KCNT2: variants seen among roughly 807,000 people sequenced by gnomAD.
KCNT2 encodes potassium channel subfamily T member 2.
A neutral mutation model predicts 153.8 loss-of-function variants in KCNT2; 67 were observed. The ratio of observed to expected loss-of-function variants is 0.44; its 90% CI spans 0.36 to 0.53. The LOEUF is 0.53. Among genes scored for constraint, KCNT2 ranks in the 20% least tolerant of loss-of-function variants. The pLI is 0.00. For missense variants in KCNT2, 975 were observed against 1,354.8 expected, an observed-to-expected ratio of 0.72 and a Z score of 4.40; for synonymous variants, 500 against 458.8, an observed-to-expected ratio of 1.09 and a Z score of -1.15.
chr1:196,248,559 A>C (rs1376729602), intron 26 of KCNT2, among the ~76,000 whole-genome samples: 1 of 152,090 alleles, frequency 6.6e-6, no homozygotes, highest in Non-Finnish European at 1.5e-5. Context: ...GAAATTGATA[A>C]ACTCCTAGAC....
intron 19 of KCNT2, among the ~76,000 whole-genome samples, chr1:196,320,409 A>C (rs1042534975): frequency 1.3e-5 from 2 of 151,884 alleles, no homozygotes; most frequent in African/African-American, 4.8e-5. Context: ...ATTATGTACA[A>C]AATCATACAA....
intron 25 of KCNT2, among the ~76,000 whole-genome samples, chr1:196,267,158 G>A (rs144265838): frequency 1.4e-4 from 22 of 152,266 alleles, no homozygotes; most frequent in Non-Finnish European, 2.8e-4. Flanking sequence ...AAGTTTCTGT[G>A]GGAAAATAGG....
intron 26 of KCNT2, among the ~76,000 whole-genome samples, chr1:196,237,361 G>C (rs941238612): frequency 3.3e-5 from 5 of 151,558 alleles, no homozygotes; most frequent in African/African-American, 4.8e-5. Context: ...TTTCAAGGCA[G>C]AAAAATCACA....
chr1:196,338,974 A>AG (rs1665319419), intron 16 of KCNT2, among the ~76,000 whole-genome samples: 1 of 148,558 alleles, frequency 6.7e-6, no homozygotes, highest in Non-Finnish European at 1.5e-5. Flanking sequence ...AAAAAAAAAA[A>AG]GGAGAAGGAG....
At chr1:196,348,508 T>C (rs560521623) in intron 14 of KCNT2, among the ~76,000 whole-genome samples, 16 of 152,296 alleles carry the variant, frequency 1.1e-4, no homozygotes, top group South Asian at 1.0e-3. Flanking sequence ...ATCTACTTCA[T>C]ACTCTTGTGA....
At chr1:196,448,154 C>T (rs1675855976) in intron 8 of KCNT2, among the ~76,000 whole-genome samples, 1 of 151,476 alleles carries the variant, frequency 6.6e-6, no homozygotes, top group Non-Finnish European at 1.5e-5. Flanking sequence ...GTCAGAGAAA[C>T]CCAGACTCAT....
At chr1:196,540,346 C>G (rs1656185658) in intron 1 of KCNT2, among the ~76,000 whole-genome samples, 1 of 152,108 alleles carries the variant, frequency 6.6e-6, no homozygotes, top group Admixed American at 6.6e-5. Context: ...ATAAACATAA[C>G]TTCAAATCAG....
intron 8 of KCNT2, among the ~76,000 whole-genome samples, chr1:196,462,291 T>C (rs934021827): frequency 6.6e-6 from 1 of 151,610 alleles, no homozygotes; most frequent in African/African-American, 2.4e-5. Context: ...ACTGGAGCCA[T>C]GGGCATGTCG....
At chr1:196,377,731 A>C (rs1669094823) in intron 13 of KCNT2, among the ~76,000 whole-genome samples, 1 of 152,086 alleles carries the variant, frequency 6.6e-6, no homozygotes, top group Non-Finnish European at 1.5e-5. Context: ...AAAAAGTATA[A>C]AAATGAACAC....
chr1:196,554,874 G>A (rs1658440693), intron 1 of KCNT2, among the ~76,000 whole-genome samples: 1 of 151,046 alleles, frequency 6.6e-6, no homozygotes. Flanking sequence ...TCAACAGAAG[G>A]AAGAATAAAA....
chr1:196,585,074 T>C (rs1224231506), intron 1 of KCNT2, among the ~76,000 whole-genome samples: 2 of 152,034 alleles, frequency 1.3e-5, no homozygotes, highest in Non-Finnish European at 2.9e-5. Context: ...TTTTCAAGTA[T>C]GAGTACAATA....
chr1:196,424,729 T>A (rs997584039), intron 11 of KCNT2, among the ~76,000 whole-genome samples: 4 of 151,998 alleles, frequency 2.6e-5, no homozygotes, highest in Non-Finnish European at 4.4e-5. Flanking sequence ...GACTTTATTA[T>A]ATATAAATCA....
chr1:196,484,972 A>T (rs1417784045), intron 3 of KCNT2, among the ~76,000 whole-genome samples: 1 of 152,084 alleles, frequency 6.6e-6, no homozygotes, highest in Non-Finnish European at 1.5e-5. Context: ...AGTATAAATC[A>T]TTCTACTCTA....
intron 8 of KCNT2, among the ~76,000 whole-genome samples, chr1:196,438,139 G>A (rs968986891): frequency 1.3e-4 from 20 of 151,576 alleles, no homozygotes; most frequent in African/African-American, 4.8e-4. Flanking sequence ...GATAGAATAA[G>A]GTTCAGTGAA....
chr1:196,385,661 G>A (rs2148389476), intron 13 of KCNT2, among the ~76,000 whole-genome samples: 1 of 151,540 alleles, frequency 6.6e-6, no homozygotes, highest in Non-Finnish European at 1.5e-5. Context: ...TTTTAATGAA[G>A]AATTAAAGGC....
chr1:196,445,092 C>G (rs139086559), intron 8 of KCNT2, among the ~76,000 whole-genome samples: 104 of 151,168 alleles, frequency 6.9e-4, no homozygotes, highest in Middle Eastern at 6.8e-3. Flanking sequence ...AAGTGTATAT[C>G]CAAGAAATAA....
At chr1:196,424,920 C>T (rs1477599851) in intron 11 of KCNT2, among the ~76,000 whole-genome samples, 1 of 150,578 alleles carries the variant, frequency 6.6e-6, no homozygotes, top group Non-Finnish European at 1.5e-5. Flanking sequence ...TGAAGACAGG[C>T]ACAAATACAC....
chr1:196,532,261 T>C (rs947931183), intron 1 of KCNT2, among the ~76,000 whole-genome samples: 2 of 152,092 alleles, frequency 1.3e-5, no homozygotes, highest in Non-Finnish European at 2.9e-5. Flanking sequence ...GAATAGTTCG[T>C]AAACACCAGC....
intron 13 of KCNT2, among the ~76,000 whole-genome samples, chr1:196,381,383 A>G (rs1355268011): frequency 1.3e-5 from 2 of 152,044 alleles, no homozygotes; most frequent in African/African-American, 4.8e-5. Flanking sequence ...AGCTTCTGAT[A>G]GTATCGAAGA....
Sources: gnomAD v4.1 joint callset for allele counts (sites outside exome capture counted in the v4.1 genomes callset) on GRCh38, gnomAD v4.1.1 for gene constraint, MANE v1.5 for transcripts, NCBI Gene and HGNC (gene_info 2026-07-23, HGNC 2026-07-21) for gene names.